LSAMP: variants seen among roughly 807,000 people sequenced by gnomAD.
LSAMP encodes the protein limbic system associated membrane protein, also known as limbic system-associated membrane protein.
In LSAMP, 7 loss-of-function variants were observed where a neutral mutation model predicts 38.6. The ratio of observed to expected loss-of-function variants is 0.18; its 90% CI spans 0.10 to 0.34. The LOEUF (loss-of-function observed/expected upper bound fraction) is 0.34. LSAMP is among the 10% of genes least tolerant of loss of function. The pLI is 1.00. For missense variants in LSAMP, 313 were observed against 420.0 expected (o/e 0.75, Z 2.23); for synonymous variants, 154 against 166.8 (o/e 0.92, Z 0.59).
intron 1 of LSAMP, among the ~76,000 whole-genome samples, chr3:116,312,287 A>C (rs566510285): frequency 6.6e-6 from 1 of 152,302 alleles, no homozygotes; most frequent in East Asian, 1.9e-4. Flanking sequence ...TGAATCGGAC[A>C]AAAAGGGCTC....
chr3:115,837,424 C>G (rs983258319), intron 6 of LSAMP, among the ~76,000 whole-genome samples: 1 of 151,934 alleles, frequency 6.6e-6, no homozygotes, highest in Non-Finnish European at 1.5e-5. Flanking sequence ...TATTCTCCTC[C>G]TTATTCTCCT....
intron 1 of LSAMP, among the ~76,000 whole-genome samples, chr3:116,211,451 G>A (rs1440729877): frequency 1.3e-5 from 2 of 152,080 alleles, no homozygotes; most frequent in Non-Finnish European, 2.9e-5. Flanking sequence ...GTTGTTCACC[G>A]TTAATATAAA....
chr3:115,997,946 ATAT>A (rs1381964622), intron 3 of LSAMP, among the ~76,000 whole-genome samples: 30 of 147,046 alleles, frequency 2.0e-4, no homozygotes, highest in Admixed American at 2.7e-4. Context: ...AATATTAAAA[ATAT>A]TATATATTAT....
intron 1 of LSAMP, among the ~76,000 whole-genome samples, chr3:116,350,289 T>C (rs1576152030): frequency 6.6e-6 from 1 of 152,170 alleles, no homozygotes; most frequent in East Asian, 1.9e-4. Context: ...CCTGCAGAGG[T>C]ACAACTATTG....
At chr3:116,366,606 T>C (rs2048357808) in intron 1 of LSAMP, among the ~76,000 whole-genome samples, 2 of 152,204 alleles carry the variant, frequency 1.3e-5, no homozygotes, top group Non-Finnish European at 1.5e-5. Flanking sequence ...AAAGTAGTCC[T>C]GGCATGTGGT....
At chr3:116,194,277 T>C (rs1037971327) in intron 1 of LSAMP, among the ~76,000 whole-genome samples, 2 of 152,076 alleles carry the variant, frequency 1.3e-5, no homozygotes, top group Admixed American at 1.3e-4. Flanking sequence ...AGGAGCAATA[T>C]AGGCAGCGGA....
intron 6 of LSAMP, among the ~76,000 whole-genome samples, chr3:115,828,468 CAAT>C (rs1054270787): frequency 1.3e-5 from 2 of 152,194 alleles, no homozygotes; most frequent in African/African-American, 4.8e-5. Context: ...CTAAACACAA[CAAT>C]GTTTCTCACA....
intron 1 of LSAMP, among the ~76,000 whole-genome samples, chr3:116,204,441 ATTGC>A (rs1421335569): frequency 1.3e-5 from 2 of 152,030 alleles, no homozygotes; most frequent in Non-Finnish European, 2.9e-5. Flanking sequence ...TTTTATTGCC[ATTGC>A]TTTTGGTGTT....
intron 1 of LSAMP, among the ~76,000 whole-genome samples, chr3:116,356,289 C>A (rs2048222758): frequency 1.3e-5 from 2 of 152,148 alleles, no homozygotes; most frequent in South Asian, 4.1e-4. Flanking sequence ...ATGGATGGAA[C>A]TGAAAGACAT....
At chr3:116,303,364 T>C (rs1025134160) in intron 1 of LSAMP, among the ~76,000 whole-genome samples, 3 of 152,232 alleles carry the variant, frequency 2.0e-5, no homozygotes, top group African/African-American at 7.2e-5. Flanking sequence ...AAGTAGACTT[T>C]AAAAGGACTG....
chr3:116,101,770 G>T (rs1336807564), intron 1 of LSAMP, among the ~76,000 whole-genome samples: 2 of 152,202 alleles, frequency 1.3e-5, no homozygotes, highest in Admixed American at 6.5e-5. Flanking sequence ...ATATGCTTAA[G>T]AGTGAAAACA....
At chr3:116,086,593 A>G (rs1707994389) in intron 1 of LSAMP, 37 bp from the exon 2 acceptor site, 1 of 1,520,856 alleles carries the variant, frequency 6.6e-7, no homozygotes, top group East Asian at 2.3e-5. Context: ...TGCCTTAACA[A>G]CAACTATTTC....
At chr3:116,129,307 A>G (rs1709074562) in intron 1 of LSAMP, among the ~76,000 whole-genome samples, 2 of 152,172 alleles carry the variant, frequency 1.3e-5, no homozygotes, top group Non-Finnish European at 2.9e-5. Flanking sequence ...TAAGAATGGC[A>G]CTGCATTGCA....
intron 1 of LSAMP, among the ~76,000 whole-genome samples, chr3:116,292,965 T>C (rs2047287265): frequency 6.6e-6 from 1 of 152,222 alleles, no homozygotes; most frequent in Non-Finnish European, 1.5e-5. Context: ...TATGTCAGCC[T>C]TAACAAAAGG....
intron 3 of LSAMP, among the ~76,000 whole-genome samples, chr3:115,999,268 G>A (rs1939917956): frequency 6.6e-6 from 1 of 152,104 alleles, no homozygotes; most frequent in Non-Finnish European, 1.5e-5. Flanking sequence ...TTCCCTCCAT[G>A]GGAAGAGAGA....
intron 6 of LSAMP, among the ~76,000 whole-genome samples, chr3:115,811,252 T>C (rs1221334936): frequency 6.6e-6 from 1 of 152,048 alleles, no homozygotes; most frequent in Non-Finnish European, 1.5e-5. Flanking sequence ...GGTGTGGGTC[T>C]GAGAGGGGAA....
chr3:116,082,452 A>G (rs1002239992), intron 2 of LSAMP, among the ~76,000 whole-genome samples: 4 of 152,176 alleles, frequency 2.6e-5, no homozygotes, highest in Admixed American at 2.6e-4. Flanking sequence ...TTCTGATTCC[A>G]TTGTTCTGGA....
At chr3:116,275,228 A>C (rs774064516) in intron 1 of LSAMP, among the ~76,000 whole-genome samples, 1 of 151,962 alleles carries the variant, frequency 6.6e-6, no homozygotes, top group Non-Finnish European at 1.5e-5. Flanking sequence ...AATTAAAAAA[A>C]AAATTGATAG....
At chr3:116,179,062 C>T (rs1472605731) in intron 1 of LSAMP, among the ~76,000 whole-genome samples, 1 of 151,898 alleles carries the variant, frequency 6.6e-6, no homozygotes, top group South Asian at 2.1e-4. Context: ...ACAGCAGTGG[C>T]CTCCTCCTCC....
Sources: allele counts gnomAD v4.1 joint callset (sites outside exome capture counted in the v4.1 genomes callset), GRCh38; gene constraint gnomAD v4.1.1; transcripts MANE v1.5; gene names NCBI Gene and HGNC (gene_info 2026-07-23, HGNC 2026-07-21).